TAS2R4: variants seen among roughly 807,000 people sequenced by gnomAD.
The protein encoded by TAS2R4 is taste receptor type 2 member 4.
A neutral mutation model predicts 14.3 loss-of-function variants in TAS2R4; 18 were observed. The ratio of observed to expected loss-of-function variants is 1.26; its 90% CI spans 0.87 to 1.86. TAS2R4 has a LOEUF of 1.86. Among genes scored for constraint, TAS2R4 ranks in the 40% most tolerant of loss-of-function variants. The probability of loss-of-function intolerance (pLI) is 0.00; values close to 1 mark genes in which losing one functional copy is unlikely to be tolerated. For synonymous variants in TAS2R4, 130 were observed against 138.5 expected, an observed-to-expected ratio of 0.94 and a Z score of 0.43; for missense variants, 306 against 342.7, an observed-to-expected ratio of 0.89 and a Z score of 0.85.
At position 141,780,063 on chromosome 7, in the gene TAS2R4, C is replaced by G. The variant is rs1800302708; in HGVS notation, c.*675C>G. 1 of 152,252 alleles carries G rather than the reference C, an allele frequency of 6.6e-6. No individual in the cohort carries two copies. The highest frequency in any genetic ancestry group is 6.6e-5 in the Admixed American group (1 of 15,262). The allele number at this position is 152,252 out of a possible 1,614,324, so 9.4% of individuals were successfully genotyped here. On this transcript the variant is annotated 3_prime_UTR_variant, in exon 1 of 1. Transcript: ENST00000247881. The stretch of plus-strand genomic sequence containing the variant: ...TCTACTAAAAATACAAAAAAATTAG[C>G]TGGGCGTGGTGGCGGGCACCTGTAG...
In TAS2R4 at chr7:141,778,875, C is replaced by G. The variant is rs769705345; in HGVS notation, c.387C>G (p.Ile129Met). ...LLLKRNISPK[I>M]PRLLLACVLI... ...TGAAGCGGAATATCTCCCCAAAGAT[C>G]CCCAGGCTGCTGCTGGCCTGTGTGC... is the stretch of plus-strand genomic sequence containing the variant. The change falls in exon 1 of 1, where the codon ATC (isoleucine) becomes ATG (methionine). Residue 129 changes from isoleucine to methionine, a missense_variant. Ile to Met is a conservative substitution (Grantham distance 10). Transcript: ENST00000247881. 6.2e-7 allele frequency: 1 copy of G among 1,614,174 alleles called. No homozygotes were observed. Among genetic ancestry groups the G allele is most frequent in the South Asian group, 1.1e-5 (1 of 91,076 alleles).
chr7:141,778,964 T>A lies in TAS2R4; in HGVS notation c.476T>A (p.Leu159His), dbSNP rs753109797. 1.9e-6 allele frequency: 3 copies of A among 1,614,126 alleles called. No individual in the cohort carries two copies. The highest frequency in any genetic ancestry group is 1.1e-5 in the South Asian group (1 of 91,086). The change falls in exon 1 of 1, where the codon CTT (leucine) becomes CAT (histidine). Residue 159 changes from leucine to histidine, a missense_variant. By Grantham distance (99) the Leu-to-His change is moderately conservative (BLOSUM62 -3). Coordinates refer to ENST00000247881, the MANE Select transcript of TAS2R4 (RefSeq NM_016944.2). ...AGCCAGGCATCACCTTTTCCTGAAC[T>A]TGTGACTACGAGAAATAACACATCA... Reference protein sequence around the residue: ...TLSQASPFPELVTTRNNTSFN... With the variant: ...TLSQASPFPEHVTTRNNTSFN...
Position 141,778,593 on chromosome 7 carries a change from G to C in TAS2R4, c.105G>C (p.Trp35Cys), listed in dbSNP as rs1193190795. 6.2e-7 allele frequency: 1 copy of C among 1,614,090 alleles called. No homozygotes were observed. The highest frequency in any genetic ancestry group is 8.5e-7 in the Non-Finnish European group (1 of 1,180,026). ...TTACAGTGGTCAATTGCAAAACTTG[G>C]GTCAAAAGCCATAGAATCTCCTCTT... ...LFITVVNCKT[W>C]VKSHRISSSD... Residue 35 changes from tryptophan (W) to cysteine (C), a missense_variant, in exon 1 of 1, where the codon TGG becomes TGC. Trp to Cys is a radical substitution (Grantham distance 215, BLOSUM62 -2). Coordinates refer to ENST00000247881, the MANE Select transcript of TAS2R4 (RefSeq NM_016944.2).
In TAS2R4 at chr7:141,781,121, A is replaced by T. The variant is rs748997839; in HGVS notation, c.*1733A>T. On this transcript the variant is annotated 3_prime_UTR_variant, in exon 1 of 1. Transcript: ENST00000247881. ...ATTGCCATGTATGTGAGCAGAAAAGATGTATATAATTTCTGGGTGGTACTT... is the reference window on the plus strand; with the variant it reads ...ATTGCCATGTATGTGAGCAGAAAAGTTGTATATAATTTCTGGGTGGTACTT... Among the ~76,000 whole-genome samples, 28 of 152,162 alleles carry T rather than the reference A, an allele frequency of 1.8e-4. No individual in the cohort carries two copies. The highest frequency in any genetic ancestry group is 2.9e-4 in the Non-Finnish European group (20 of 68,036).
At position 141,777,027 on chromosome 7, in the gene TAS2R4, C is replaced by T. The variant is rs1229175140; in HGVS notation, c.-1462C>T. ...CCACATTTATCTGTTATGGCTTACT[C>T]TATATCATTTATTCTATTTAAATGT... On this transcript the variant is annotated 5_prime_UTR_variant, in exon 1 of 1. Coordinates refer to ENST00000247881, the MANE Select transcript of TAS2R4 (RefSeq NM_016944.2). Among the ~76,000 whole-genome samples the T allele has an allele frequency of 6.6e-6, 1 of 152,166 alleles. No individual in the cohort carries two copies. Among genetic ancestry groups the T allele is most frequent in the Non-Finnish European group, 1.5e-5 (1 of 68,026 alleles).
rs1205807552 is a variant in TAS2R4 at position 141,781,107 on chromosome 7, T to A, written c.*1719T>A. 6.6e-6 allele frequency among the ~76,000 whole-genome samples: 1 copy of A among 152,172 alleles called. No individual in the cohort carries two copies. Among genetic ancestry groups the A allele is most frequent in the East Asian group, 1.9e-4 (1 of 5,194 alleles). The stretch of plus-strand genomic sequence containing the variant: ...CAGCAAATTCCATTATTGCCATGTA[T>A]GTGAGCAGAAAAGATGTATATAATT... On this transcript the variant is annotated 3_prime_UTR_variant, in exon 1 of 1. Coordinates refer to ENST00000247881, the MANE Select transcript of TAS2R4 (RefSeq NM_016944.2).
At position 141,776,747 on chromosome 7, in the gene TAS2R4, T is replaced by C. The variant is rs970259900; in HGVS notation, c.-1742T>C. 6.6e-6 allele frequency among the ~76,000 whole-genome samples: 1 copy of C among 151,998 alleles called. No homozygotes were observed. The highest frequency in any genetic ancestry group is 6.6e-5 in the Admixed American group (1 of 15,252). On this transcript the variant is annotated 5_prime_UTR_variant, in exon 1 of 1. Coordinates refer to ENST00000247881, the MANE Select transcript of TAS2R4 (RefSeq NM_016944.2). Reference sequence around the variant, plus strand: ...ATCCTTATCATCCTTATCATCATGATAAGGAAAACAGCTAGGAAGTTTAAC... The same window carrying C: ...ATCCTTATCATCCTTATCATCATGACAAGGAAAACAGCTAGGAAGTTTAAC...
chr7:141,778,716 G>T lies in TAS2R4; in HGVS notation c.228G>T (p.Arg76Ser). Residue 76 changes from arginine (R) to serine (S), a missense_variant, in exon 1 of 1, where the codon AGG (arginine) becomes AGT (serine). Coordinates refer to ENST00000247881, the MANE Select transcript of TAS2R4 (RefSeq NM_016944.2). ...TIYFVSSNTE[R>S]SVYLSAFFVL... ...ACTTCGTCTCTTCAAATACGGAAAGGTCAGTCTACCTGTCTGCTTTTTTTG... is the reference window on the plus strand; with the variant it reads ...ACTTCGTCTCTTCAAATACGGAAAGTTCAGTCTACCTGTCTGCTTTTTTTG... 2.5e-6 allele frequency: 4 copies of T among 1,614,186 alleles called. No homozygotes were observed. In the Middle Eastern group the frequency reaches 6.6e-4, roughly 266 times the overall value.
Position 141,778,729 on chromosome 7 carries a change from TCTG to T in TAS2R4, c.244_246del (p.Ala82del), listed in dbSNP as rs1800279534. ...AAATACGGAAAGGTCAGTCTACCTG[TCTG>T]CTTTTTTTGTGTTGTGTTTCATGTT... is the stretch of plus-strand genomic sequence containing the variant. On this transcript the variant is annotated inframe_deletion, in exon 1 of 1. Transcript: ENST00000247881. 6.2e-7 allele frequency: 1 copy of T among 1,614,224 alleles called. No individual in the cohort carries two copies.
chr7:141,779,397 CA>C lies in TAS2R4; in HGVS notation c.*10del. ...TTTGTTTCAAAAAATAGTGGAATTT[CA>C]GTAAACAATACCTAGATTTACCTGA... On this transcript the variant is annotated 3_prime_UTR_variant, in exon 1 of 1. Transcript: ENST00000247881. 3 of 1,589,514 alleles carry C rather than the reference CA, an allele frequency of 1.9e-6. No individual in the cohort carries two copies. Among genetic ancestry groups the C allele is most frequent in the Non-Finnish European group, 2.6e-6 (3 of 1,165,556 alleles).
rs1276656121 is a variant in TAS2R4 at position 141,781,491 on chromosome 7, A to G, written c.*2103A>G. ...ATATCTTTATGATGAAATAGTATGT[A>G]TTTACCATCTTATTAGTCAAAGAAC... On this transcript the variant is annotated 3_prime_UTR_variant, in exon 1 of 1. Coordinates refer to ENST00000247881, the MANE Select transcript of TAS2R4 (RefSeq NM_016944.2). Among the ~76,000 whole-genome samples the G allele has an allele frequency of 6.6e-6, 1 of 152,004 alleles. No individual in the cohort carries two copies. Among genetic ancestry groups the G allele is most frequent in the Non-Finnish European group, 1.5e-5 (1 of 68,040 alleles).
rs1800257817 is a variant in TAS2R4 at position 141,777,468 on chromosome 7, A to G, written c.-1021A>G. Among the ~76,000 whole-genome samples the G allele has an allele frequency of 6.6e-6, 1 of 152,212 alleles. No homozygotes were observed. Among genetic ancestry groups the G allele is most frequent in the Non-Finnish European group, 1.5e-5 (1 of 68,036 alleles). ...TGCACCTTGGTTTCATTCAGCTGCT[A>G]GAGAAGATAAGAGATGCCATACTCT... is the stretch of plus-strand genomic sequence containing the variant. On this transcript the variant is annotated 5_prime_UTR_variant, in exon 1 of 1. Transcript: ENST00000247881.
chr7:141,777,952 A>G lies in TAS2R4; in HGVS notation c.-537A>G, dbSNP rs1800264461. On this transcript the variant is annotated 5_prime_UTR_variant, in exon 1 of 1. It removes an upstream start codon present in the reference 5' UTR. Coordinates refer to ENST00000247881, the MANE Select transcript of TAS2R4 (RefSeq NM_016944.2). The stretch of plus-strand genomic sequence containing the variant: ...CTGAGGTTGAAAGAGTGGCATTGGC[A>G]TGGCCAATTGGTGAAACTTGTTGTG... Among the ~76,000 whole-genome samples the G allele has an allele frequency of 6.6e-6, 1 of 151,984 alleles. No individual in the cohort carries two copies. The highest frequency in any genetic ancestry group is 6.5e-5 in the Admixed American group (1 of 15,270).
Position 141,778,299 on chromosome 7 carries a change from T to G in TAS2R4, c.-190T>G. 1 of 585,794 alleles carries G rather than the reference T, an allele frequency of 1.7e-6. No individual in the cohort carries two copies. 36.3% of individuals were successfully genotyped at this position (585,794 alleles called of 1,614,324 possible). On this transcript the variant is annotated 5_prime_UTR_variant, in exon 1 of 1. It removes the in-frame stop codon of an upstream open reading frame in the 5' UTR. Transcript: ENST00000247881. ...GGATACTAATGAAGAAATAGTAATG[T>G]AATCCTTGGAAGATTTGCATCTCAG... is the stretch of plus-strand genomic sequence containing the variant.
Position 141,781,576 on chromosome 7 carries a change from A to T in TAS2R4, c.*2188A>T, listed in dbSNP as rs1157271668. 6.6e-6 allele frequency among the ~76,000 whole-genome samples: 1 copy of T among 151,570 alleles called. No individual in the cohort carries two copies. Among genetic ancestry groups the T allele is most frequent in the African/African-American group, 2.4e-5 (1 of 41,282 alleles). On this transcript the variant is annotated 3_prime_UTR_variant, in exon 1 of 1. Coordinates refer to ENST00000247881, the MANE Select transcript of TAS2R4 (RefSeq NM_016944.2). The stretch of plus-strand genomic sequence containing the variant: ...AAACCTGTACATGTGGTATAATACC[A>T]TTTTTTTTGGTAAAAATGTGTACAT...
Position 141,778,765 on chromosome 7 carries a change from T to G in TAS2R4, c.277T>G (p.Ser93Ala). 6.2e-7 allele frequency: 1 copy of G among 1,614,248 alleles called. No homozygotes were observed. The highest frequency in any genetic ancestry group is 8.5e-7 in the Non-Finnish European group (1 of 1,180,052). ...FFVLCFMFLD[S>A]SSVWFVTLLN... Reference sequence around the variant, plus strand: ...TGTGTTGTGTTTCATGTTTTTGGACTCGAGCAGTGTCTGGTTTGTGACCTT... The same window carrying G: ...TGTGTTGTGTTTCATGTTTTTGGACGCGAGCAGTGTCTGGTTTGTGACCTT... The change falls in exon 1 of 1, where the codon TCG becomes GCG. Residue 93 changes from serine to alanine, a missense_variant. Ser to Ala is a moderately conservative substitution (Grantham distance 99). Coordinates refer to ENST00000247881, the MANE Select transcript of TAS2R4 (RefSeq NM_016944.2).
rs112164952 is a variant in TAS2R4, at chr7:141,778,877, C to T, written c.389C>T (p.Pro130Leu). 6.2e-7 allele frequency: 1 copy of T among 1,614,208 alleles called. No individual in the cohort carries two copies. Among genetic ancestry groups the T allele is most frequent in the Non-Finnish European group, 8.5e-7 (1 of 1,180,034 alleles). The change falls in exon 1 of 1, where the codon CCC becomes CTC. Residue 130 changes from proline to leucine, a missense_variant. Physicochemically the swap from Pro to Leu is moderately conservative, Grantham distance 98. Coordinates refer to ENST00000247881, the MANE Select transcript of TAS2R4 (RefSeq NM_016944.2). Reference sequence around the variant, plus strand: ...AAGCGGAATATCTCCCCAAAGATCCCCAGGCTGCTGCTGGCCTGTGTGCTG... The same window carrying T: ...AAGCGGAATATCTCCCCAAAGATCCTCAGGCTGCTGCTGGCCTGTGTGCTG... ...LLKRNISPKI[P>L]RLLLACVLIS... is the part of the protein sequence containing the mutation.
Position 141,776,929 on chromosome 7 carries a change from A to C in TAS2R4, c.-1560A>C, listed in dbSNP as rs1232874534. Reference sequence around the variant, plus strand: ...ATTATAGCACTTCCTCCTACAGAGAACCCAACAATTTGGTATAGTACATTC... The same window carrying C: ...ATTATAGCACTTCCTCCTACAGAGACCCCAACAATTTGGTATAGTACATTC... On this transcript the variant is annotated 5_prime_UTR_variant, in exon 1 of 1. Transcript: ENST00000247881. Among the ~76,000 whole-genome samples the C allele has an allele frequency of 2.0e-5, 3 of 152,146 alleles. No homozygotes were observed. Among genetic ancestry groups the C allele is most frequent in the Non-Finnish European group, 4.4e-5 (3 of 68,024 alleles).
chr7:141,779,541 AAT>A lies in TAS2R4; in HGVS notation c.*154_*155del. ...GTGCCTGAATTTCAGTTCATTCTGT[AAT>A]TTTTTTTTTTTGGTATGTAAGTATT... On this transcript the variant is annotated 3_prime_UTR_variant, in exon 1 of 1. Transcript: ENST00000247881. The A allele has an allele frequency of 1.4e-6, 1 of 706,040 alleles. No individual in the cohort carries two copies. Among genetic ancestry groups the A allele is most frequent in the Non-Finnish European group, 2.0e-6 (1 of 493,094 alleles). 43.7% of individuals were successfully genotyped at this position (706,040 alleles called of 1,614,324 possible). A position where few individuals can be genotyped will look rare whatever the true frequency, so the allele number is the denominator to read the frequency against.
Sources: allele counts gnomAD v4.1 joint callset (sites outside exome capture counted in the v4.1 genomes callset), GRCh38; gene constraint gnomAD v4.1.1; transcripts MANE v1.5; gene names NCBI Gene and HGNC (gene_info 2026-07-23, HGNC 2026-07-21).